Variants in GRM4 observed in about 807,000 individuals in gnomAD.
The protein encoded by GRM4 is glutamate metabotropic receptor 4, also known as metabotropic glutamate receptor 4.
Under a neutral mutation model 81.7 loss-of-function variants are expected in GRM4, and 28 were observed. That is an observed-to-expected ratio of 0.34 (90% CI 0.25 to 0.47). The LOEUF is 0.47. GRM4 is among the 20% of genes least tolerant of loss of function. GRM4 has a pLI of 1.00. For missense variants in GRM4, 948 were observed against 1,290.0 expected (o/e 0.73, Z 4.06); for synonymous variants, 488 against 528.8 (o/e 0.92, Z 1.06).
intron 3 of GRM4, among the ~76,000 whole-genome samples, chr6:34,073,634 G>A (rs1021137604): frequency 1.3e-5 from 2 of 151,836 alleles, no homozygotes; most frequent in Admixed American, 1.3e-4. Flanking sequence ...GGTGCCCACC[G>A]TGAAGCATCC....
intron 2 of GRM4, among the ~76,000 whole-genome samples, chr6:34,104,475 A>G (rs564104248): frequency 4.3e-4 from 65 of 152,346 alleles, no homozygotes; most frequent in African/African-American, 1.5e-3. Context: ...AGTGAACACT[A>G]CTTATTACCT....
chr6:34,110,510 T>A, intron 2 of GRM4: 1 of 403,902 alleles, frequency 2.5e-6, no homozygotes, highest in South Asian at 3.2e-5. Flanking sequence ...TGCAGTGCCC[T>A]CTGCCAACTG....
intron 6 of GRM4, among the ~76,000 whole-genome samples, chr6:34,044,573 C>T (rs1250105272): frequency 6.6e-6 from 1 of 151,270 alleles, no homozygotes; most frequent in Admixed American, 6.6e-5. Context: ...CATACATACA[C>T]ATATATACAC....
intron 2 of GRM4, among the ~76,000 whole-genome samples, chr6:34,094,588 C>T (rs1454646267): frequency 6.6e-6 from 1 of 152,182 alleles, no homozygotes; most frequent in Admixed American, 6.5e-5. Context: ...AGTTTCTCAG[C>T]CTTTGCACTC....
intron 3 of GRM4, among the ~76,000 whole-genome samples, chr6:34,063,787 T>C (rs1187022766): frequency 6.6e-6 from 1 of 152,122 alleles, no homozygotes; most frequent in African/African-American, 2.4e-5. Context: ...ACCCTCCATA[T>C]GGTTTCTTTC....
At chr6:34,125,451 C>T (rs147871694) in intron 2 of GRM4, among the ~76,000 whole-genome samples, 2 of 152,268 alleles carry the variant, frequency 1.3e-5, no homozygotes, top group African/African-American at 4.8e-5. Flanking sequence ...CCAGCTGAGG[C>T]TACTAGGTGT....
chr6:34,155,165 C>G (rs982493294), exon 1 of GRM4: 6 of 1,535,278 alleles, frequency 3.9e-6, no homozygotes, highest in Admixed American at 2.0e-5. Context: ...CCCTCGGATT[C>G]GTGCGCGGCC....
At chr6:34,101,419 A>G (rs895311673) in intron 2 of GRM4, among the ~76,000 whole-genome samples, 7 of 152,236 alleles carry the variant, frequency 4.6e-5, no homozygotes, top group African/African-American at 1.7e-4. Flanking sequence ...TGCAGAGCCC[A>G]TGCTGCTGTC....
At chr6:34,088,003 C>T (rs1286999795) in intron 3 of GRM4, among the ~76,000 whole-genome samples, 2 of 152,122 alleles carry the variant, frequency 1.3e-5, no homozygotes, top group African/African-American at 2.4e-5. Flanking sequence ...GGGCCCAGCA[C>T]TTCCCAGGCC....
intron 10 of GRM4, among the ~76,000 whole-genome samples, chr6:34,026,607 C>T (rs545122109): frequency 1.3e-5 from 2 of 152,156 alleles, no homozygotes; most frequent in East Asian, 1.9e-4. Flanking sequence ...TCTCCCTCCC[C>T]AGGCCTCCAC....
intron 1 of GRM4, among the ~76,000 whole-genome samples, chr6:34,145,656 G>A (rs1488131261): frequency 1.3e-5 from 2 of 152,224 alleles, no homozygotes; most frequent in South Asian, 2.1e-4. Flanking sequence ...CTGCGGGAGA[G>A]GGCGGGAGAG....
rs974986377 is a variant in GRM4 at position 34,144,731 on chromosome 6, G to C, written c.-364+1269C>G. 3.9e-5 allele frequency among the ~76,000 whole-genome samples: 6 copies of C among 152,222 alleles called. 1 individual carries two copies. ...CGCCTGTCCCGCCTCTCCGCAGACC[G>C]GGATGCGCTAATGCCGCCGCCCCCA... On this transcript the variant is annotated intron_variant, in intron 1 of 10. Coordinates refer to ENST00000538487, the MANE Select transcript of GRM4 (RefSeq NM_000841.4).
At chr6:34,147,505 G>A (rs1460871041), upstream of GRM4, among the ~76,000 whole-genome samples, 1 of 152,226 alleles carries the variant, frequency 6.6e-6, no homozygotes, top group Non-Finnish European at 1.5e-5. Flanking sequence ...ACATGTGCAT[G>A]TCTGGGTCAC....
Position 34,028,224 on chromosome 6 carries a change from G to A in GRM4, c.2585C>T (p.Ala862Val), listed in dbSNP as rs773319088. ...NVPKRKRSLKAVVTAATMSNK... is the reference protein window; with the variant it reads ...NVPKRKRSLKVVVTAATMSNK... ...GGACATGGTGGCCGCCGTAACGACG[G>A]CTTTGAGGCTGCGCTTGCGCTTGGG... The change falls in exon 10 of 11, where the codon GCC (alanine) becomes GTC (valine). Residue 862 changes from alanine (A) to valine (V), a missense_variant. Physicochemically the swap from Ala to Val is moderately conservative, Grantham distance 64. Coordinates refer to ENST00000538487, the MANE Select transcript of GRM4 (RefSeq NM_000841.4). The A allele has an allele frequency of 5.0e-6, 8 of 1,613,978 alleles. No individual in the cohort carries two copies. The South Asian group carries it at 5.5e-5, about 11-fold the overall frequency.
At chr6:34,073,123 TACAC>T (rs1240832822) in intron 3 of GRM4, among the ~76,000 whole-genome samples, 1 of 64,734 alleles carries the variant, frequency 1.5e-5, no homozygotes, top group Non-Finnish European at 3.0e-5. Context: ...ACCACACAGA[TACAC>T]ACCACACACA....
At chr6:34,096,504 C>A (rs1768523321) in intron 2 of GRM4, among the ~76,000 whole-genome samples, 1 of 152,244 alleles carries the variant, frequency 6.6e-6, no homozygotes, top group African/African-American at 2.4e-5. Flanking sequence ...ATTCAACAGG[C>A]CCTCCAAGCA....
At chr6:34,118,562 T>C (rs1038029747) in intron 2 of GRM4, among the ~76,000 whole-genome samples, 2 of 152,330 alleles carry the variant, frequency 1.3e-5, no homozygotes, top group East Asian at 3.9e-4. Context: ...GACTCTTGTG[T>C]GGAATGATCA....
At chr6:34,146,492 A>G (rs1383762902), upstream of GRM4, among the ~76,000 whole-genome samples, 1 of 151,282 alleles carries the variant, frequency 6.6e-6, no homozygotes, top group East Asian at 1.9e-4. Context: ...GGGCTTGAAA[A>G]CTCTCAGGAG....
intron 2 of GRM4, among the ~76,000 whole-genome samples, chr6:34,125,353 C>A (rs983960830): frequency 6.6e-6 from 1 of 152,202 alleles, no homozygotes; most frequent in Non-Finnish European, 1.5e-5. Flanking sequence ...GGGTTCCCCT[C>A]GGAGGAAGCA....
Sources: allele counts gnomAD v4.1 joint callset (sites outside exome capture counted in the v4.1 genomes callset), GRCh38; gene constraint gnomAD v4.1.1; transcripts MANE v1.5; gene names NCBI Gene and HGNC (gene_info 2026-07-23, HGNC 2026-07-21).